The following EYA2 variants were observed in gnomAD, a reference collection of about 807,000 sequenced individuals.
The protein encoded by EYA2 is EYA transcriptional coactivator and phosphatase 2.
EYA2 carries 31 observed loss-of-function variants against 69.2 expected under a neutral mutation model. The observed-to-expected ratio is 0.45, with a 90% CI of 0.34 to 0.60. EYA2 has a LOEUF of 0.60. Ranked by LOEUF, EYA2 falls within the 20% of genes least tolerant of loss-of-function variation. EYA2 has a pLI of 0.02. For missense variants in EYA2, 622 were observed against 701.2 expected (o/e 0.89, Z 1.28); for synonymous variants, 257 against 279.4 (o/e 0.92, Z 0.80).
intron 1 of EYA2, among the ~76,000 whole-genome samples, chr20:46,906,533 G>A (rs1984366125): frequency 1.3e-5 from 2 of 152,100 alleles, no homozygotes; most frequent in Non-Finnish European, 2.9e-5. Context: ...CTAACCTTTG[G>A]ATGACTGTAA....
At chr20:47,166,357 A>G (rs1272107011) in intron 10 of EYA2, among the ~76,000 whole-genome samples, 2 of 124,026 alleles carry the variant, frequency 1.6e-5, no homozygotes, top group Non-Finnish European at 3.2e-5. Flanking sequence ...AGATTGTGCC[A>G]CTGCACTCCA....
intron 1 of EYA2, among the ~76,000 whole-genome samples, chr20:46,964,086 A>G (rs1201694507): frequency 2.6e-5 from 4 of 152,246 alleles, no homozygotes; most frequent in African/African-American, 7.2e-5. Flanking sequence ...TGTGTTGCAC[A>G]TGAGGTCAGT....
At chr20:46,931,779 A>G (rs1985681168) in intron 1 of EYA2, among the ~76,000 whole-genome samples, 1 of 152,058 alleles carries the variant, frequency 6.6e-6, no homozygotes, top group African/African-American at 2.4e-5. Flanking sequence ...CCACTGAGCA[A>G]TCCCCTCTGG....
chr20:47,065,632 G>T (rs1053263443), intron 5 of EYA2, among the ~76,000 whole-genome samples: 1 of 152,142 alleles, frequency 6.6e-6, no homozygotes, highest in Non-Finnish European at 1.5e-5. Flanking sequence ...TTAAAAGCGT[G>T]ATTTTTTTAT....
intron 5 of EYA2, among the ~76,000 whole-genome samples, chr20:47,064,990 T>C (rs2031055411): frequency 6.6e-6 from 1 of 152,152 alleles, no homozygotes; most frequent in Admixed American, 6.5e-5. Flanking sequence ...CTCACAATCA[T>C]GGTGGAAGGC....
chr20:47,071,702 T>C (rs1157174727), intron 5 of EYA2, among the ~76,000 whole-genome samples: 1 of 152,160 alleles, frequency 6.6e-6, no homozygotes, highest in Non-Finnish European at 1.5e-5. Flanking sequence ...TTTCTTCATC[T>C]ATCCAGGAAA....
intron 5 of EYA2, among the ~76,000 whole-genome samples, chr20:47,016,830 G>C (rs1031698847): frequency 6.6e-6 from 1 of 152,248 alleles, no homozygotes; most frequent in Non-Finnish European, 1.5e-5. Flanking sequence ...TAGGAGGAGA[G>C]AATCTTGGAG....
chr20:47,007,685 A>G (rs1181532975), intron 4 of EYA2, among the ~76,000 whole-genome samples: 1 of 152,024 alleles, frequency 6.6e-6, no homozygotes, highest in Non-Finnish European at 1.5e-5. Context: ...GTGCAATCAT[A>G]GCTCACTGCA....
intron 1 of EYA2, among the ~76,000 whole-genome samples, chr20:46,982,973 C>T (rs1388546377): frequency 6.6e-6 from 1 of 151,900 alleles, no homozygotes; most frequent in Non-Finnish European, 1.5e-5. Context: ...GGGGTTTCAC[C>T]ATGTTGGCCA....
intron 1 of EYA2, among the ~76,000 whole-genome samples, chr20:46,986,647 G>T (rs1033040561): frequency 1.3e-5 from 2 of 151,992 alleles, no homozygotes; most frequent in African/African-American, 4.8e-5. Flanking sequence ...TATCTGTTCC[G>T]CTTCTGGTGA....
At chr20:47,033,779 C>T (rs536980701) in intron 5 of EYA2, among the ~76,000 whole-genome samples, 36 of 152,290 alleles carry the variant, frequency 2.4e-4, no homozygotes, top group Admixed American at 1.6e-3. Context: ...TGAGTGACTC[C>T]AGTGAACATA....
intron 1 of EYA2, among the ~76,000 whole-genome samples, chr20:46,952,795 C>T (rs1399617193): frequency 2.6e-5 from 4 of 152,196 alleles, no homozygotes; most frequent in Non-Finnish European, 2.9e-5. Flanking sequence ...AACCTCATAC[C>T]AGATCAGCCC....
At chr20:47,042,045 A>G (rs1985099914) in intron 5 of EYA2, among the ~76,000 whole-genome samples, 2 of 152,344 alleles carry the variant, frequency 1.3e-5, no homozygotes, top group Middle Eastern at 3.4e-3. Context: ...AATTATAGCC[A>G]AGTATCCAAA....
intron 5 of EYA2, among the ~76,000 whole-genome samples, chr20:47,067,289 C>G (rs1244747390): frequency 6.6e-6 from 1 of 152,098 alleles, no homozygotes; most frequent in Non-Finnish European, 1.5e-5. Flanking sequence ...GTAGGGTCAC[C>G]ATGGTAACCA....
At chr20:46,909,750 A>G (rs535343284) in intron 1 of EYA2, among the ~76,000 whole-genome samples, 50 of 152,168 alleles carry the variant, frequency 3.3e-4, no homozygotes, top group African/African-American at 1.1e-3. Flanking sequence ...AATCGGCAGC[A>G]TTTTCTGGAA....
intron 10 of EYA2, among the ~76,000 whole-genome samples, chr20:47,154,601 A>G (rs1359490083): frequency 6.6e-6 from 1 of 151,838 alleles, no homozygotes; most frequent in Non-Finnish European, 1.5e-5. Context: ...TTTGAGAAAA[A>G]GGATTCCCAG....
At chr20:47,072,400 T>C in intron 6 of EYA2, 148 bp downstream of exon 6, 1 of 740,784 alleles carries the variant, frequency 1.3e-6, no homozygotes, top group Non-Finnish European at 2.3e-6. Context: ...AGGGGCTAGA[T>C]TGTGCAAAAG....
chr20:47,049,638 G>A (rs559065907), intron 5 of EYA2, among the ~76,000 whole-genome samples: 11 of 152,068 alleles, frequency 7.2e-5, no homozygotes, highest in Middle Eastern at 3.4e-3. Context: ...TTCCAGCTTC[G>A]CCTTCCGCCA....
chr20:46,911,976 C>T (rs1352493966), intron 1 of EYA2, among the ~76,000 whole-genome samples: 2 of 152,122 alleles, frequency 1.3e-5, no homozygotes, highest in Non-Finnish European at 2.9e-5. Flanking sequence ...TTTGAGGTGA[C>T]GGATATTCTA....
Sources: gnomAD v4.1 joint callset for allele counts (sites outside exome capture counted in the v4.1 genomes callset) on GRCh38, gnomAD v4.1.1 for gene constraint, MANE v1.5 for transcripts, NCBI Gene and HGNC (gene_info 2026-07-23, HGNC 2026-07-21) for gene names.